The following MTDH variants were observed in gnomAD, a reference collection of about 807,000 sequenced individuals.
The protein encoded by MTDH is metadherin.
A neutral mutation model predicts 72.7 loss-of-function variants in MTDH; 34 were observed. The observed-to-expected ratio is 0.47, with a 90% CI of 0.36 to 0.62. MTDH has a LOEUF of 0.62. Among genes scored for constraint, MTDH ranks in the 20% least tolerant of loss-of-function variants. MTDH has a pLI of 0.00. For synonymous variants in MTDH, 266 were observed against 268.9 expected, an observed-to-expected ratio of 0.99 and a Z score of 0.10; for missense variants, 677 against 699.4, an observed-to-expected ratio of 0.97 and a Z score of 0.36.
chr8:97,705,818 G>A (rs1814328229), intron 7 of MTDH, among the ~76,000 whole-genome samples: 1 of 152,150 alleles, frequency 6.6e-6, no homozygotes, highest in South Asian at 2.1e-4. Flanking sequence ...AGGGAGAGAA[G>A]GGAAGAATTA....
intron 2 of MTDH, among the ~76,000 whole-genome samples, chr8:97,685,817 G>C (rs1324592060): frequency 6.6e-6 from 1 of 151,440 alleles, no homozygotes; most frequent in Non-Finnish European, 1.5e-5. Context: ...TCAATAAATA[G>C]CTAAATAAGT....
At chr8:97,706,822 A>C in intron 8 of MTDH, 72 bp downstream of exon 8, 1 of 1,505,760 alleles carries the variant, frequency 6.6e-7, no homozygotes, top group South Asian at 1.3e-5. Flanking sequence ...GCTCACGCCT[A>C]TGATTCCAGC....
In MTDH at chr8:97,722,892, T is replaced by G; in HGVS notation, c.1535T>G (p.Leu512Arg). 6.2e-7 allele frequency: 1 copy of G among 1,611,442 alleles called. No homozygotes were observed. The stretch of plus-strand genomic sequence containing the variant: ...TTCCTAAAATAGCCTATCAAGACTC[T>G]TCCACCTGCTACTTCTACCGAGCCA... ...LVKNSQPIKT[L>R]PPATSTEPSV... The change falls in exon 11 of 12, where the codon CTT becomes CGT. Residue 512 changes from leucine (L) to arginine (R), a missense_variant. Transcript: ENST00000336273.
rs1415123497 is a variant in MTDH at position 97,686,690 on chromosome 8, C to A, written c.506C>A (p.Ser169Ter). The A allele has an allele frequency of 3.2e-6, 5 of 1,575,234 alleles. No individual in the cohort carries two copies. In the South Asian group the frequency reaches 4.8e-5, roughly 15 times the overall value. Residue 169 changes from serine to a stop codon, truncating the protein, a stop_gained, in exon 3 of 12, where the codon TCA (serine) becomes TAA (stop). Coordinates refer to ENST00000336273, the MANE Select transcript of MTDH (RefSeq NM_178812.4). LOFTEE classifies it high-confidence loss of function. ...CAGTCAAAGAAAAATAAGAAGAAAT[C>A]AAAGTCAGATGCTAAAGCAGTGCAA... ...NEKSKKNKKK[S>*]KSDAKAVQNS...
chr8:97,665,432 A>G (rs2468020), intron 2 of MTDH, among the ~76,000 whole-genome samples: 72,069 of 152,058 alleles, frequency 0.47, 20,025 homozygotes, highest in African/African-American at 0.76. Flanking sequence ...GATGCTAAAG[A>G]TAATAAAAAT....
At chr8:97,712,023 C>A (rs1227758556) in intron 8 of MTDH, among the ~76,000 whole-genome samples, 1 of 152,000 alleles carries the variant, frequency 6.6e-6, no homozygotes, top group East Asian at 1.9e-4. Context: ...TATATATAAC[C>A]TTTTGCTATG....
intron 1 of MTDH, among the ~76,000 whole-genome samples, chr8:97,650,904 T>C (rs951546116): frequency 1.3e-5 from 2 of 152,124 alleles, no homozygotes; most frequent in African/African-American, 4.8e-5. Context: ...TATGCCATAT[T>C]GTTTAGATTA....
At position 97,682,273 on chromosome 8, in the gene MTDH, TATATATA is replaced by T. The variant is rs1158222088; in HGVS notation, c.484-4394_484-4388del. Among the ~76,000 whole-genome samples the T allele has an allele frequency of 5.7e-3, 42 of 7,366 alleles. 2 individuals are homozygous for T. The highest frequency in any genetic ancestry group is 7.2e-3 in the Non-Finnish European group (27 of 3,728). The allele number at this position is 7,366 out of a possible 152,430, so 4.8% of individuals were successfully genotyped here. A position where few individuals can be genotyped will look rare whatever the true frequency, so the allele number is the denominator to read the frequency against. On this transcript the variant is annotated intron_variant, in intron 2 of 11. Coordinates refer to ENST00000336273, the MANE Select transcript of MTDH (RefSeq NM_178812.4). ...ATATATATATATATATATATATATA[TATATATA>T]TTTTTTTTTTTTTTTTTTTTTTTTT...
chr8:97,717,621 A>AT (rs1814925866), intron 9 of MTDH, among the ~76,000 whole-genome samples: 1 of 101,772 alleles, frequency 9.8e-6, no homozygotes, highest in African/African-American at 3.8e-5. Context: ...ATAAATTTTT[A>AT]TCCCCCCCCC....
At chr8:97,683,070 TTTTTTTTTTTTTG>T (rs1813203238) in intron 2 of MTDH, among the ~76,000 whole-genome samples, 1 of 122,988 alleles carries the variant, frequency 8.1e-6, no homozygotes. Flanking sequence ...TTTTTTTTTT[TTTTTTTTTTTTTG>T]AGATGGAGTC....
rs376178056 is a variant in MTDH, at chr8:97,689,053, A to G, written c.761A>G (p.Asn254Ser). 8 of 1,575,876 alleles carry G rather than the reference A, an allele frequency of 5.1e-6. No homozygotes were observed. In the African/African-American group the frequency reaches 9.4e-5, roughly 19 times the overall value. Reference protein sequence around the residue: ...SKKNKGDSHLNVQVSNFKSGK... With the variant: ...SKKNKGDSHLSVQVSNFKSGK... Reference sequence around the variant, plus strand: ...TTTTAACCAGGTGATTCTCATCTAAATGTTCAAGTTAGCAACTTTAAATCT... The same window carrying G: ...TTTTAACCAGGTGATTCTCATCTAAGTGTTCAAGTTAGCAACTTTAAATCT... Residue 254 changes from asparagine to serine, a missense_variant, in exon 5 of 12, where the codon AAT becomes AGT. By Grantham distance (46) the Asn-to-Ser change is conservative (BLOSUM62 1). Around this residue, in one of 3 missense-constraint regions of MTDH, gnomAD observed 467 missense variants for 469.1 expected, o/e 1.00. Transcript: ENST00000336273.
chr8:97,710,787 G>A (rs1247669387), intron 8 of MTDH, among the ~76,000 whole-genome samples: 1 of 150,652 alleles, frequency 6.6e-6, no homozygotes, highest in Admixed American at 6.6e-5. Context: ...ATCACCTGAG[G>A]TCAGGAGTTT....
Position 97,644,369 on chromosome 8 carries a change from C to G in MTDH, c.-138C>G, listed in dbSNP as rs1186035918. 5 of 1,235,774 alleles carry G rather than the reference C, an allele frequency of 4.0e-6. No individual in the cohort carries two copies. The Admixed American group carries it at 1.7e-4, about 42-fold the overall frequency. 76.6% of individuals were successfully genotyped at this position (1,235,774 alleles called of 1,614,324 possible). On this transcript the variant is annotated 5_prime_UTR_variant, in exon 1 of 12. Coordinates refer to ENST00000336273, the MANE Select transcript of MTDH (RefSeq NM_178812.4). ...TCCCCGCGGTGGCAGCGGCCGATCC[C>G]CGGCTCCGGCGCGAGGGACGGCCGC... is the stretch of plus-strand genomic sequence containing the variant.
chr8:97,723,707 C>T (rs1378888564), intron 11 of MTDH, among the ~76,000 whole-genome samples: 2 of 151,682 alleles, frequency 1.3e-5, no homozygotes, highest in Non-Finnish European at 2.9e-5. Context: ...CATGCCACTG[C>T]ACTCCAACCT....
chr8:97,718,094 C>G (rs1285742643), intron 9 of MTDH, among the ~76,000 whole-genome samples: 3 of 151,856 alleles, frequency 2.0e-5, no homozygotes, highest in Non-Finnish European at 4.4e-5. Flanking sequence ...CCATGTTGCC[C>G]AGGCTGGAGT....
intron 1 of MTDH, among the ~76,000 whole-genome samples, chr8:97,660,240 C>CT (rs539416007): frequency 2.2e-3 from 339 of 152,324 alleles, no homozygotes; most frequent in Middle Eastern, 3.4e-3. Flanking sequence ...ATGAGCATCT[C>CT]TAAGTGCTAT....
chr8:97,723,163 C>G (rs1397976164), intron 11 of MTDH, 128 bp downstream of exon 11: 1 of 856,484 alleles, frequency 1.2e-6, no homozygotes, highest in South Asian at 2.3e-5. Context: ...CTTTGGGAGG[C>G]CGAGGCGGGC....
chr8:97,691,798 A>AC (rs1813618503), intron 6 of MTDH, among the ~76,000 whole-genome samples: 1 of 152,174 alleles, frequency 6.6e-6, no homozygotes, highest in Admixed American at 6.5e-5. Context: ...CCACCTAGTG[A>AC]CAACTGCTGT....
At chr8:97,712,494 A>T (rs979644254) in intron 8 of MTDH, among the ~76,000 whole-genome samples, 3 of 152,130 alleles carry the variant, frequency 2.0e-5, no homozygotes, top group Non-Finnish European at 2.9e-5. Flanking sequence ...CTATTGAAGG[A>T]CATTTGTGTC....
Sources: gnomAD v4.1 joint callset for allele counts (sites outside exome capture counted in the v4.1 genomes callset) on GRCh38, gnomAD v4.1.1 for gene constraint, gnomAD v4.1.1 regional missense constraint, MANE v1.5 for transcripts, NCBI Gene and HGNC (gene_info 2026-07-23, HGNC 2026-07-21) for gene names.